The following CAMK1D variants were observed in gnomAD, a reference collection of about 807,000 sequenced individuals.
The protein encoded by CAMK1D is calcium/calmodulin dependent protein kinase ID.
Under a neutral mutation model 47.7 loss-of-function variants are expected in CAMK1D, and 9 were observed. That is an observed-to-expected ratio of 0.19 (90% confidence interval 0.11 to 0.33). The LOEUF (loss-of-function observed/expected upper bound fraction) is 0.33, where lower values mean the gene tolerates loss of function less well. Among genes scored for constraint, CAMK1D ranks in the 10% least tolerant of loss-of-function variants. CAMK1D has a pLI of 1.00. For synonymous variants in CAMK1D, 184 were observed against 184.9 expected (o/e 0.99, Z 0.04); for missense variants, 291 against 488.7 (o/e 0.60, Z 3.81).
intron 1 of CAMK1D, among the ~76,000 whole-genome samples, chr10:12,362,582 C>G (rs1192553915): frequency 1.3e-5 from 2 of 152,170 alleles, no homozygotes; most frequent in African/African-American, 4.8e-5. Flanking sequence ...ACTGCAAGCT[C>G]CGCCTCCCGG....
At chr10:12,439,307 A>G (rs1832718453) in intron 1 of CAMK1D, among the ~76,000 whole-genome samples, 1 of 152,194 alleles carries the variant, frequency 6.6e-6, no homozygotes, top group South Asian at 2.1e-4. Flanking sequence ...ATATTTATCG[A>G]AAACTCCCAT....
intron 1 of CAMK1D, among the ~76,000 whole-genome samples, chr10:12,481,656 T>C (rs1485312380): frequency 6.6e-6 from 1 of 152,128 alleles, no homozygotes; most frequent in African/African-American, 2.4e-5. Flanking sequence ...ATTACAGGCG[T>C]GTACCACCAC....
intron 1 of CAMK1D, among the ~76,000 whole-genome samples, chr10:12,357,882 C>CTT (rs200446395): frequency 2.0e-5 from 3 of 151,056 alleles, no homozygotes; most frequent in Admixed American, 6.6e-5. Context: ...CTTTTCTTTT[C>CTT]TTTTTTTTTG....
chr10:12,512,886 G>A (rs1268889170), intron 1 of CAMK1D, among the ~76,000 whole-genome samples: 1 of 152,228 alleles, frequency 6.6e-6, no homozygotes, highest in Non-Finnish European at 1.5e-5. Context: ...AATATTGACA[G>A]TTCCCATAAT....
intron 1 of CAMK1D, among the ~76,000 whole-genome samples, chr10:12,405,642 A>G (rs1839394686): frequency 6.6e-6 from 1 of 152,240 alleles, no homozygotes; most frequent in Non-Finnish European, 1.5e-5. Flanking sequence ...AGACCCTCAT[A>G]CATTTGGAAT....
chr10:12,500,888 A>G (rs74116948), intron 1 of CAMK1D, among the ~76,000 whole-genome samples: 4,054 of 152,354 alleles, frequency 0.027, 181 homozygotes, highest in African/African-American at 0.093. Flanking sequence ...TTAACTGCCT[A>G]TTGTGTGAAC....
chr10:12,760,738 T>A (rs1265789292), intron 3 of CAMK1D: 1 of 547,100 alleles, frequency 1.8e-6, no homozygotes, highest in Non-Finnish European at 3.2e-6. Context: ...TCGTGTTTTT[T>A]TAAATTTCCT....
Position 12,411,836 on chromosome 10 carries a change from C to T in CAMK1D, c.92+61926C>T, listed in dbSNP as rs186423270. ...GCTGGTCTCCTGACCTCAGGTGATCCGCCCGCCTCAGCCTCCCAAAGTGCT... is the reference window on the plus strand; with the variant it reads ...GCTGGTCTCCTGACCTCAGGTGATCTGCCCGCCTCAGCCTCCCAAAGTGCT... On this transcript the variant is annotated intron_variant, in intron 1 of 10. Coordinates refer to ENST00000619168, the MANE Select transcript of CAMK1D (RefSeq NM_153498.4). 1.3e-3 allele frequency among the ~76,000 whole-genome samples: 203 copies of T among 151,764 alleles called. 1 individual carries two copies. The highest frequency in any genetic ancestry group is 0.01 in the Admixed American group (154 of 15,252).
intron 2 of CAMK1D, among the ~76,000 whole-genome samples, chr10:12,642,021 G>A (rs1054074786): frequency 6.7e-6 from 1 of 149,440 alleles, no homozygotes. Context: ...TCCAGCTAGG[G>A]CGACAGAGTG....
chr10:12,802,145 A>G (rs1015708126), intron 6 of CAMK1D, among the ~76,000 whole-genome samples: 1 of 152,214 alleles, frequency 6.6e-6, no homozygotes, highest in African/African-American at 2.4e-5. Context: ...ATATTTTAAA[A>G]TAAGTGTCAG....
chr10:12,463,917 C>T (rs771256763), intron 1 of CAMK1D, among the ~76,000 whole-genome samples: 5 of 152,114 alleles, frequency 3.3e-5, no homozygotes, highest in Non-Finnish European at 7.4e-5. Flanking sequence ...CGTTCCTTCT[C>T]CTTCCTGCCG....
chr10:12,712,210 G>A (rs1453816356), intron 3 of CAMK1D, among the ~76,000 whole-genome samples: 3 of 152,214 alleles, frequency 2.0e-5, no homozygotes, highest in African/African-American at 7.2e-5. Context: ...TTCAACTGAA[G>A]CTCTCCAGGG....
intron 1 of CAMK1D, among the ~76,000 whole-genome samples, chr10:12,505,882 C>G (rs1456796920): frequency 6.6e-6 from 1 of 150,718 alleles, no homozygotes; most frequent in East Asian, 1.9e-4. Flanking sequence ...TCCTCCTCCT[C>G]CCTTGTTCCA....
chr10:12,399,232 C>T (rs537918152), intron 1 of CAMK1D, among the ~76,000 whole-genome samples: 147 of 152,204 alleles, frequency 9.7e-4, no homozygotes, highest in Non-Finnish European at 1.5e-3. Flanking sequence ...GCCGGCTGGG[C>T]GTGGTGGCTC....
chr10:12,605,653 G>T (rs566674769), intron 2 of CAMK1D, among the ~76,000 whole-genome samples: 1 of 152,260 alleles, frequency 6.6e-6, no homozygotes, highest in Non-Finnish European at 1.5e-5. Context: ...GAGTGAGCAG[G>T]TGACAGTTGG....
chr10:12,591,184 C>A (rs1447899496), intron 2 of CAMK1D, among the ~76,000 whole-genome samples: 1 of 152,162 alleles, frequency 6.6e-6, no homozygotes, highest in Non-Finnish European at 1.5e-5. Context: ...TTCTAGTGGG[C>A]AATGGCCAGA....
chr10:12,511,526 G>A (rs117416650), intron 1 of CAMK1D, among the ~76,000 whole-genome samples: 240 of 152,234 alleles, frequency 1.6e-3, no homozygotes, highest in Middle Eastern at 3.4e-3. Context: ...CAGAAGGATC[G>A]CTTGAGCCCA....
intron 1 of CAMK1D, among the ~76,000 whole-genome samples, chr10:12,479,008 T>A (rs1435019003): frequency 6.6e-6 from 1 of 152,190 alleles, no homozygotes. Context: ...CCCAATTAAC[T>A]CTTTTTTTAT....
intron 1 of CAMK1D, among the ~76,000 whole-genome samples, chr10:12,511,242 T>A (rs901719178): frequency 9.9e-5 from 15 of 152,182 alleles, no homozygotes; most frequent in African/African-American, 3.6e-4. Flanking sequence ...GCTGACCTGG[T>A]AGGGCTGGAG....
Sources: gnomAD v4.1 joint callset for allele counts (sites outside exome capture counted in the v4.1 genomes callset) on GRCh38, gnomAD v4.1.1 for gene constraint, MANE v1.5 for transcripts, NCBI Gene and HGNC (gene_info 2026-07-23, HGNC 2026-07-21) for gene names.